The following COL20A1 variants were observed in gnomAD, a reference collection of about 807,000 sequenced individuals.
The protein encoded by COL20A1 is collagen alpha-1(XX) chain.
In COL20A1, 164 loss-of-function variants were observed where a neutral mutation model predicts 152.9. That is an observed-to-expected ratio of 1.07 (90% CI 0.94 to 1.22). The LOEUF is 1.22. Among genes scored for constraint, COL20A1 ranks in the 50% most tolerant of loss-of-function variants. The pLI is 0.00. For missense variants in COL20A1, 1,873 were observed against 1,744.8 expected (o/e 1.07, Z -1.31); for synonymous variants, 864 against 756.0 (o/e 1.14, Z -2.34).
Position 63,305,512 on chromosome 20 carries a change from G to C in COL20A1, c.289G>C (p.Glu97Gln). The C allele has an allele frequency of 1.2e-6, 2 of 1,607,184 alleles. No homozygotes were observed. The highest frequency in any genetic ancestry group is 1.7e-6 in the Non-Finnish European group (2 of 1,177,456). Reference sequence around the variant, plus strand: ...CAAGGGCTACACCTTGCAGATCTTCGAGCTCACTGGCTCTGGGCGCTTCCT... The same window carrying C: ...CAAGGGCTACACCTTGCAGATCTTCCAGCTCACTGGCTCTGGGCGCTTCCT... Reference protein sequence around the residue: ...PSKGYTLQIFELTGSGRFLLA... With the variant: ...PSKGYTLQIFQLTGSGRFLLA... Residue 97 changes from glutamate to glutamine, a missense_variant, in exon 4 of 36, where the codon GAG becomes CAG. By Grantham distance (29) the Glu-to-Gln change is conservative. Transcript: ENST00000358894. The surrounding 1 kb of genome is among the most constrained non-coding windows in gnomAD (Gnocchi z 4.9).
rs753811027 is a variant in COL20A1, at chr20:63,309,475, TG to T, written c.1086del (p.Ser363AlafsTer23). ...GTCTCATCTGCCAGAGGCTCCAGGGTGGGAGCCCGCGGCAGGGCCCAGGTGA... is the reference window on the plus strand; with the variant it reads ...GTCTCATCTGCCAGAGGCTCCAGGGTGGAGCCCGCGGCAGGGCCCAGGTGA... ...SRLICQRLQG[G>X]SPRQGPAAAP... On this transcript the variant is annotated frameshift_variant, in exon 9 of 36. Transcript: ENST00000358894. LOFTEE classifies it high-confidence loss of function. 6.5e-6 allele frequency: 10 copies of T among 1,529,180 alleles called. No individual in the cohort carries two copies. Among genetic ancestry groups the T allele is most frequent in the Non-Finnish European group, 1.8e-6 (2 of 1,135,228 alleles). The allele number at this position is 1,529,180 out of a possible 1,614,324, so 94.7% of individuals were successfully genotyped here.
Position 63,305,417 on chromosome 20 carries a change from G to C in COL20A1, c.194G>C (p.Gly65Ala). The change falls in exon 4 of 36, where the codon GGG becomes GCG. Residue 65 changes from glycine to alanine, a missense_variant and splice_region_variant. By Grantham distance (60) the Gly-to-Ala change is moderately conservative (BLOSUM62 0). Transcript: ENST00000358894. The surrounding 1 kb of genome is among the most constrained non-coding windows in gnomAD (Gnocchi z 4.9). ...GYLVQVKPMA[G>A]DSEQEVILTT... ...TAAAGCTCTCCCCACCCCTACCCAG[G>C]GGACTCGGAACAGGAGGTGATACTG... 1 of 1,526,670 alleles carries C rather than the reference G, an allele frequency of 6.6e-7. No homozygotes were observed. The highest frequency in any genetic ancestry group is 8.8e-7 in the Non-Finnish European group (1 of 1,140,956). 94.6% of individuals were successfully genotyped at this position (1,526,670 alleles called of 1,614,324 possible).
At chr20:63,326,864 G>A (rs1392775554) in intron 31 of COL20A1, 41 bp downstream of exon 31, 1 of 1,402,942 alleles carries the variant, frequency 7.1e-7, no homozygotes, top group African/African-American at 1.5e-5. Flanking sequence ...CCAAAGGTGG[G>A]GGAGCGAAGG....
At position 63,305,781 on chromosome 20, in the gene COL20A1, C is replaced by A; in HGVS notation, c.338-100C>A. The stretch of plus-strand genomic sequence containing the variant: ...CATGCCTCCCAGGCTCCTGGGCCCT[C>A]AGCACCCACAGATGCGCCCTTGAAG... On this transcript the variant is annotated intron_variant, in intron 4 of 35. Coordinates refer to ENST00000358894, the MANE Select transcript of COL20A1 (RefSeq NM_020882.4). This position sits in a 1 kb window ranked among gnomAD's most constrained non-coding sequence, Gnocchi z 4.9. The A allele has an allele frequency of 7.7e-7, 1 of 1,303,730 alleles. No homozygotes were observed. The highest frequency in any genetic ancestry group is 1.1e-6 in the Non-Finnish European group (1 of 927,242). The allele number at this position is 1,303,730 out of a possible 1,614,324, so 80.8% of individuals were successfully genotyped here.
At chr20:63,329,546 G>T in intron 34 of COL20A1, 39 bp from the exon 35 acceptor site, 1 of 1,549,614 alleles carries the variant, frequency 6.5e-7, no homozygotes, top group Non-Finnish European at 8.8e-7. Flanking sequence ...CCAAGCCACT[G>T]CATTGCTCCG....
intron 3 of COL20A1, among the ~76,000 whole-genome samples, chr20:63,299,847 GTGTGTGTATACATATATACGT>G (rs1270941938): frequency 7.1e-6 from 1 of 140,184 alleles, no homozygotes; most frequent in Non-Finnish European, 1.6e-5. Flanking sequence ...ATATATACGT[GTGTGTGTATACATATATACGT>G]TGTGTGTATA....
chr20:63,321,855 TG>T (rs2068168605), intron 26 of COL20A1, among the ~76,000 whole-genome samples: 1 of 149,922 alleles, frequency 6.7e-6, no homozygotes, highest in African/African-American at 2.5e-5. Flanking sequence ...AACCCAGAAC[TG>T]CCTGACTATG....
At chr20:63,327,767 C>T in intron 31 of COL20A1, 185 bp from the exon 32 acceptor site, 1 of 624,052 alleles carries the variant, frequency 1.6e-6, no homozygotes, top group South Asian at 1.9e-5. Flanking sequence ...TCTCACATGC[C>T]TGCTCTCGGG....
intron 26 of COL20A1, 81 bp from the exon 27 acceptor site, chr20:63,321,977 C>T (rs547535448): frequency 1.4e-5 from 16 of 1,178,390 alleles, no homozygotes; most frequent in South Asian, 9.1e-5. Flanking sequence ...GTGGGCCAGG[C>T]ATGGGGCTCA....
At position 63,311,713 on chromosome 20, in the gene COL20A1, A is replaced by C. The variant is rs1445022088; in HGVS notation, c.1628A>C (p.Glu543Ala). ...EVSVQSLRGP[E>A]GSEARGIRAR... The stretch of plus-strand genomic sequence containing the variant: ...TCGGTGCAGAGCCTGCGAGGCCCTG[A>C]GGGCAGCGAGGCCCGGGGCATCCGT... Residue 543 changes from glutamate to alanine, a missense_variant, in exon 13 of 36, where the codon GAG (glutamate) becomes GCG (alanine). By Grantham distance (107) the Glu-to-Ala change is moderately radical. Transcript: ENST00000358894. This position sits in a 1 kb window ranked among gnomAD's most constrained non-coding sequence, Gnocchi z 4.4. 1 of 1,601,634 alleles carries C rather than the reference A, an allele frequency of 6.2e-7. No homozygotes were observed.
chr20:63,307,507 T>A lies in COL20A1; in HGVS notation c.514T>A (p.Cys172Ser). 1.2e-6 allele frequency: 2 copies of A among 1,612,064 alleles called. No individual in the cohort carries two copies. The highest frequency in any genetic ancestry group is 1.7e-6 in the Non-Finnish European group (2 of 1,179,520). ...CGCCCCAGCCGGCCCCCAGTTCCGC[T>A]GCCTGCCCCCCGTGCCTGCTGACAT... Reference protein sequence around the residue: ...PRTPAGPQFRCLPPVPADMVF... With the variant: ...PRTPAGPQFRSLPPVPADMVF... Residue 172 changes from cysteine to serine, a missense_variant, in exon 6 of 36, where the codon TGC (cysteine) becomes AGC (serine). Transcript: ENST00000358894.
intron 28 of COL20A1, 63 bp from the exon 29 acceptor site, chr20:63,325,605 G>A (rs2068234433): frequency 1.3e-6 from 2 of 1,573,638 alleles, no homozygotes. Flanking sequence ...AGGCCTCACA[G>A]GCAGGGCCAC....
In COL20A1 at chr20:63,310,467, T is replaced by C; in HGVS notation, c.1350T>C (p.Tyr450=). The part of the protein sequence containing the change: ...TEYLVSVFPI[Y]EGGVGEGLRG... ...ACCTGGTCTCCGTGTTCCCCATCTA[T>C]GAGGGCGGGGTTGGCGAAGGCCTGC... The change falls in exon 11 of 36, where the codon TAT becomes TAC. Residue 450 remains tyrosine, a synonymous_variant. Coordinates refer to ENST00000358894, the MANE Select transcript of COL20A1 (RefSeq NM_020882.4). 1.9e-6 allele frequency: 3 copies of C among 1,608,500 alleles called. No individual in the cohort carries two copies. Among genetic ancestry groups the C allele is most frequent in the Non-Finnish European group, 2.5e-6 (3 of 1,178,150 alleles).
At chr20:63,320,688 TC>T (rs2068150203) in intron 25 of COL20A1, among the ~76,000 whole-genome samples, 6 of 5,474 alleles carry the variant, frequency 1.1e-3, no homozygotes, top group Non-Finnish European at 7.8e-3. Flanking sequence ...CCTCAGTGAC[TC>T]CTCTGTATAC....
At position 63,308,076 on chromosome 20, in the gene COL20A1, G is replaced by A. The variant is rs368044718; in HGVS notation, c.761G>A (p.Gly254Glu). The A allele has an allele frequency of 1.6e-5, 25 of 1,610,594 alleles. No individual in the cohort carries two copies. The highest frequency in any genetic ancestry group is 1.3e-4 in the East Asian group (6 of 44,896). ...GTGCGCCGCCTCCGCTACAAGGGGG[G>A]GAACACGTTCACAGGTACGGCCCAG... ...AAVRRLRYKG[G>E]NTFTGLALTH... Residue 254 changes from glycine (G) to glutamate (E), a missense_variant, in exon 7 of 36, where the codon GGG (glycine) becomes GAG (glutamate). Gly to Glu is a moderately conservative substitution (Grantham distance 98). Transcript: ENST00000358894.
chr20:63,329,720 C>T lies in COL20A1; in HGVS notation c.*3+59C>T, dbSNP rs112810599. On this transcript the variant is annotated intron_variant, in intron 35 of 35. Transcript: ENST00000358894. ...GCTGAGGGCATCCAGGAAGGAGGAG[C>T]TCCTGAGGGGCCAACGGGTGGGGCC... 8.6e-5 allele frequency: 110 copies of T among 1,275,026 alleles called. 2 individuals carry two copies. The African/African-American group carries it at 1.4e-3, about 16-fold the overall frequency. The allele number at this position is 1,275,026 out of a possible 1,614,324, so 79.0% of individuals were successfully genotyped here.
chr20:63,308,157 C>G, intron 7 of COL20A1, 67 bp downstream of exon 7: 1 of 1,579,038 alleles, frequency 6.3e-7, no homozygotes, highest in Non-Finnish European at 8.6e-7. Context: ...CTCCCAGATC[C>G]CGAAAGCTTG....
rs536645845 is a variant in COL20A1, at chr20:63,321,934, C to T, written c.3241-124C>T. ...TTCTCTTCCCCTTGACAGCAGTGGA[C>T]AGTCTGGGGCTGGGTGGGGCATGGG... On this transcript the variant is annotated intron_variant, in intron 26 of 35. Coordinates refer to ENST00000358894, the MANE Select transcript of COL20A1 (RefSeq NM_020882.4). The T allele has an allele frequency of 1.2e-3, 777 of 664,684 alleles. 14 individuals are homozygous for T. The South Asian group carries it at 0.016, about 14-fold the overall frequency. The allele number at this position is 664,684 out of a possible 1,614,324, so 41.2% of individuals were successfully genotyped here.
In COL20A1 at chr20:63,319,930, C is replaced by A; in HGVS notation, c.2917-109C>A. ...CCTGAGGTGAGGTCAGGTTCCTGAC[C>A]CCAGGTCCCAGGGATGGGTGTTACT... On this transcript the variant is annotated intron_variant, in intron 23 of 35. Transcript: ENST00000358894. The surrounding 1 kb of genome is among the most constrained non-coding windows in gnomAD (Gnocchi z 4.4). The A allele has an allele frequency of 4.5e-6, 5 of 1,123,424 alleles. No homozygotes were observed. The highest frequency in any genetic ancestry group is 5.0e-6 in the Non-Finnish European group (4 of 804,670). 69.6% of individuals were successfully genotyped at this position (1,123,424 alleles called of 1,614,324 possible).
Sources: allele counts gnomAD v4.1 joint callset (sites outside exome capture counted in the v4.1 genomes callset), GRCh38; gene constraint gnomAD v4.1.1; non-coding constraint Gnocchi (gnomAD v3.1); transcripts MANE v1.5; gene names NCBI Gene and HGNC (gene_info 2026-07-23, HGNC 2026-07-21).